Variants in DENND5A observed in about 807,000 individuals in gnomAD.
DENND5A encodes DENN domain containing 5A.
In DENND5A, 64 loss-of-function variants were observed where a neutral mutation model predicts 140.3. The observed-to-expected ratio is 0.46, with a 90% CI of 0.37 to 0.56. DENND5A has a LOEUF of 0.56. Among genes scored for constraint, DENND5A ranks in the 20% least tolerant of loss-of-function variants. The pLI, the probability that DENND5A is intolerant of heterozygous loss-of-function variation, is 0.00. For missense variants in DENND5A, 1,292 were observed against 1,593.8 expected (o/e 0.81, Z 3.22); for synonymous variants, 605 against 607.7 (o/e 1.00, Z 0.07).
At chr11:9,263,512 G>GT (rs1402141393) in intron 1 of DENND5A, among the ~76,000 whole-genome samples, 1 of 151,318 alleles carries the variant, frequency 6.6e-6, no homozygotes, top group Non-Finnish European at 1.5e-5. Context: ...GAGCCGCCGG[G>GT]TGGTGGGCCA....
At chr11:9,197,416 C>A (rs564032901) in intron 4 of DENND5A, among the ~76,000 whole-genome samples, 1 of 150,098 alleles carries the variant, frequency 6.7e-6, no homozygotes, top group Admixed American at 6.7e-5. Context: ...GAAAAAGGGG[C>A]TGAGTGCAGT....
intron 1 of DENND5A, among the ~76,000 whole-genome samples, chr11:9,220,656 G>A (rs983245475): frequency 1.3e-5 from 2 of 152,088 alleles, no homozygotes; most frequent in Non-Finnish European, 2.9e-5. Flanking sequence ...ACTTTGGGAG[G>A]CTGAGGGGGT....
intron 19 of DENND5A, 30 bp downstream of exon 19, chr11:9,144,067 C>G (rs1847336469): frequency 1.1e-5 from 18 of 1,602,206 alleles, no homozygotes; most frequent in Non-Finnish European, 1.4e-5. Context: ...GACTGTATGG[C>G]ATGAGGGCCC....
At chr11:9,157,018 T>C (rs1344772993) in intron 12 of DENND5A, among the ~76,000 whole-genome samples, 2 of 152,210 alleles carry the variant, frequency 1.3e-5, no homozygotes, top group South Asian at 2.1e-4. Context: ...GATACGATAC[T>C]ATTTTTCAAA....
At chr11:9,157,776 G>A (rs1405547194) in intron 12 of DENND5A, among the ~76,000 whole-genome samples, 2 of 152,176 alleles carry the variant, frequency 1.3e-5, no homozygotes, top group Admixed American at 6.5e-5. Flanking sequence ...ATTGTGAATA[G>A]TGCTGCAATG....
At chr11:9,243,101 AAAAC>A (rs1358994860) in intron 1 of DENND5A, among the ~76,000 whole-genome samples, 13 of 138,322 alleles carry the variant, frequency 9.4e-5, no homozygotes, top group African/African-American at 2.9e-4. Flanking sequence ...AAAAAAAAAA[AAAAC>A]AAAAAAAAAA....
intron 8 of DENND5A, chr11:9,172,237 A>G (rs1315085075): frequency 6.6e-6 from 1 of 152,222 alleles, no homozygotes; most frequent in East Asian, 1.9e-4. Context: ...CCACAGATCT[A>G]AAAAGCACAA....
rs1386997566 is a variant in DENND5A at position 9,139,539 on chromosome 11, CTAGTTT to C, written c.*126_*131del. On this transcript the variant is annotated 3_prime_UTR_variant, in exon 23 of 23. Coordinates refer to ENST00000328194, the MANE Select transcript of DENND5A (RefSeq NM_015213.4). ...ATAGATTATTTATTCCAAAAATCCT[CTAGTTT>C]TCTTTTTACAGTGAGTGTACATTTT... 3 of 756,238 alleles carry C rather than the reference CTAGTTT, an allele frequency of 4.0e-6. No homozygotes were observed. The highest frequency in any genetic ancestry group is 1.8e-5 in the African/African-American group (1 of 56,566). 46.8% of individuals were successfully genotyped at this position (756,238 alleles called of 1,614,324 possible).
chr11:9,218,447 T>C (rs535171948), intron 1 of DENND5A, among the ~76,000 whole-genome samples: 74 of 152,104 alleles, frequency 4.9e-4, no homozygotes, highest in Non-Finnish European at 9.3e-4. Flanking sequence ...TAGGCTCAGC[T>C]CATGCTTAGG....
intron 4 of DENND5A, among the ~76,000 whole-genome samples, chr11:9,203,043 A>G (rs1482695938): frequency 2.0e-5 from 3 of 152,086 alleles, no homozygotes; most frequent in African/African-American, 7.2e-5. Flanking sequence ...GTCCACCACT[A>G]CCCTTGAAAC....
At chr11:9,145,159 A>G (rs2136114908) in intron 17 of DENND5A, 46 bp from the exon 18 acceptor site, 1 of 1,388,810 alleles carries the variant, frequency 7.2e-7, no homozygotes, top group Non-Finnish European at 1.0e-6. Context: ...AAATCAGAGA[A>G]AAGAACAGTA....
intron 1 of DENND5A, among the ~76,000 whole-genome samples, chr11:9,219,810 C>T (rs1850237627): frequency 6.6e-6 from 1 of 152,240 alleles, no homozygotes; most frequent in Non-Finnish European, 1.5e-5. Context: ...GTGTCCATTA[C>T]AGGTCTTGCA....
At chr11:9,185,002 C>A (rs971617845) in intron 5 of DENND5A, among the ~76,000 whole-genome samples, 27 of 152,248 alleles carry the variant, frequency 1.8e-4, no homozygotes, top group Admixed American at 5.2e-4. Flanking sequence ...ACCAGCCTGA[C>A]CAACATGGCG....
chr11:9,154,900 A>G (rs977538449), intron 12 of DENND5A, among the ~76,000 whole-genome samples: 4 of 152,088 alleles, frequency 2.6e-5, no homozygotes, highest in South Asian at 4.1e-4. Context: ...CTGTAACCCC[A>G]GCACTTTGGG....
intron 5 of DENND5A, among the ~76,000 whole-genome samples, chr11:9,189,512 C>T (rs1439505133): frequency 1.3e-5 from 2 of 152,120 alleles, no homozygotes; most frequent in African/African-American, 2.4e-5. Flanking sequence ...ACACTCAACG[C>T]CAGCCCATAA....
At chr11:9,155,997 A>C (rs1050975167) in intron 12 of DENND5A, among the ~76,000 whole-genome samples, 10 of 152,228 alleles carry the variant, frequency 6.6e-5, no homozygotes, top group Admixed American at 1.3e-4. Context: ...AGGTACCCCC[A>C]CAAGGGCATA....
intron 1 of DENND5A, among the ~76,000 whole-genome samples, chr11:9,217,017 C>A (rs1044926295): frequency 6.6e-6 from 1 of 152,046 alleles, no homozygotes; most frequent in Admixed American, 6.6e-5. Flanking sequence ...GTCTGGGCAA[C>A]AGAGCAAGAT....
intron 5 of DENND5A, among the ~76,000 whole-genome samples, chr11:9,185,312 T>C (rs891489330): frequency 3.3e-5 from 5 of 152,228 alleles, no homozygotes; most frequent in Non-Finnish European, 5.9e-5. Flanking sequence ...AATTTTTTTT[T>C]CCACAAGATT....
Position 9,193,583 on chromosome 11 carries a change from G to T in DENND5A, c.1048C>A (p.Leu350Met), listed in dbSNP as rs758860067. The T allele has an allele frequency of 5.0e-6, 8 of 1,614,100 alleles. No homozygotes were observed. Among genetic ancestry groups the T allele is most frequent in the Middle Eastern group, 1.6e-4 (1 of 6,062 alleles). ...GGAACAGGAGCATCTAAGAAATGCA[G>T]GAGAGAAGCTGGGAGAATAGGGACA... ...VYVPILPASL[L>M]HFLDAPVPYL... Residue 350 changes from leucine (L) to methionine (M), a missense_variant, in exon 5 of 23, where the codon CTG becomes ATG. Physicochemically the swap from Leu to Met is conservative, Grantham distance 15 (BLOSUM62 2). Coordinates refer to ENST00000328194, the MANE Select transcript of DENND5A (RefSeq NM_015213.4).
Sources: gnomAD v4.1 joint callset for allele counts (sites outside exome capture counted in the v4.1 genomes callset) on GRCh38, gnomAD v4.1.1 for gene constraint, MANE v1.5 for transcripts, NCBI Gene and HGNC (gene_info 2026-07-23, HGNC 2026-07-21) for gene names.